The following LUC7L2 variants were observed in gnomAD, a reference collection of about 807,000 sequenced individuals.
LUC7L2 encodes the protein LUC7 like 2, pre-mRNA splicing factor, also known as putative RNA-binding protein Luc7-like 2.
LUC7L2 carries 25 observed loss-of-function variants against 52.8 expected under a neutral mutation model. That is an observed-to-expected ratio of 0.47 (90% CI 0.34 to 0.66). LUC7L2 has a LOEUF of 0.66. LUC7L2 is among the 30% of genes least tolerant of loss of function. The pLI is 0.01. For synonymous variants in LUC7L2, 144 were observed against 160.9 expected (o/e 0.89, Z 0.80); for missense variants, 328 against 497.8 (o/e 0.66, Z 3.25).
intron 1 of LUC7L2, among the ~76,000 whole-genome samples, chr7:139,362,761 G>A (rs1799953258): frequency 6.6e-6 from 1 of 151,884 alleles, no homozygotes. Context: ...AGAGTCCTGG[G>A]GCTTTGGGAA....
chr7:139,349,622 C>A (rs897087237), intron 1 of LUC7L2, among the ~76,000 whole-genome samples: 10 of 151,052 alleles, frequency 6.6e-5, no homozygotes, highest in South Asian at 2.1e-4. Context: ...GCTCCCCCCC[C>A]CCCCACCGGA....
At chr7:139,393,165 G>T (rs1794518543) in intron 2 of LUC7L2, among the ~76,000 whole-genome samples, 1 of 152,028 alleles carries the variant, frequency 6.6e-6, no homozygotes, top group Non-Finnish European at 1.5e-5. Flanking sequence ...TAGTAGGGAG[G>T]CCGAGGCAGG....
At chr7:139,371,077 C>T (rs1187101213) in intron 1 of LUC7L2, among the ~76,000 whole-genome samples, 2 of 152,144 alleles carry the variant, frequency 1.3e-5, no homozygotes, top group African/African-American at 4.8e-5. Flanking sequence ...ACTAGTATAC[C>T]TGTGGGGAGG....
intron 9 of LUC7L2, among the ~76,000 whole-genome samples, chr7:139,419,236 T>G (rs1795776880): frequency 6.6e-6 from 1 of 152,158 alleles, no homozygotes; most frequent in Admixed American, 6.5e-5. Flanking sequence ...AGTGCTAAAC[T>G]GCATATCATA....
At chr7:139,418,410 G>T (rs868435144) in intron 9 of LUC7L2, among the ~76,000 whole-genome samples, 1 of 152,216 alleles carries the variant, frequency 6.6e-6, no homozygotes, top group Non-Finnish European at 1.5e-5. Flanking sequence ...CAGGTCACAT[G>T]ATGGCCCTTA....
At chr7:139,348,469 C>G (rs1022809427) in intron 1 of LUC7L2, among the ~76,000 whole-genome samples, 2 of 151,890 alleles carry the variant, frequency 1.3e-5, no homozygotes, top group Admixed American at 1.3e-4. Context: ...GCCTGTAATC[C>G]CAGCACTTTG....
intron 2 of LUC7L2, among the ~76,000 whole-genome samples, chr7:139,390,287 G>T (rs1226216057): frequency 1.3e-5 from 2 of 150,722 alleles, no homozygotes; most frequent in East Asian, 1.9e-4. Context: ...GGAGACCAGG[G>T]TCTCAATCTG....
chr7:139,377,317 G>C (rs1406058220), intron 2 of LUC7L2, among the ~76,000 whole-genome samples: 1 of 152,138 alleles, frequency 6.6e-6, no homozygotes, highest in African/African-American at 2.4e-5. Context: ...CGATTCTCCT[G>C]CCTCAGCCTC....
At chr7:139,366,264 A>G (rs117900283) in intron 1 of LUC7L2, among the ~76,000 whole-genome samples, 1,726 of 152,344 alleles carry the variant, frequency 0.011, 24 homozygotes, top group Non-Finnish European at 0.019. Context: ...ACTCAACATG[A>G]AAGGAATTTA....
chr7:139,409,313 CAAA>C (rs529185746), intron 6 of LUC7L2, among the ~76,000 whole-genome samples: 1 of 119,612 alleles, frequency 8.4e-6, no homozygotes, highest in Admixed American at 8.3e-5. Context: ...AAAAAAAAAA[CAAA>C]AAAAAAAACC....
Position 139,423,149 on chromosome 7 carries a change from TCAC to T in LUC7L2, c.*818_*820del, listed in dbSNP as rs1795969984. The T allele has an allele frequency of 1.3e-5, 5 of 398,848 alleles. No homozygotes were observed. The highest frequency in any genetic ancestry group is 2.5e-4 in the South Asian group (2 of 7,866). The allele number at this position is 398,848 out of a possible 1,614,324, so 24.7% of individuals were successfully genotyped here. On this transcript the variant is annotated 3_prime_UTR_variant, in exon 10 of 10. Coordinates refer to ENST00000354926, the MANE Select transcript of LUC7L2 (RefSeq NM_016019.5). ...AATAATAATAAAATGAAAGAAACAA[TCAC>T]CACCACCATTATTAAACTGTAACTT... is the stretch of plus-strand genomic sequence containing the variant.
intron 8 of LUC7L2, among the ~76,000 whole-genome samples, chr7:139,415,686 G>A (rs1487574328): frequency 6.6e-6 from 1 of 150,496 alleles, no homozygotes; most frequent in Admixed American, 6.6e-5. Flanking sequence ...GTAGATACGG[G>A]GTCTCCCTAT....
At chr7:139,372,190 A>G (rs1443559177) in intron 1 of LUC7L2, among the ~76,000 whole-genome samples, 1 of 152,006 alleles carries the variant, frequency 6.6e-6, no homozygotes, top group Non-Finnish European at 1.5e-5. Flanking sequence ...TAGGTGGGAT[A>G]TTTTTTGTTG....
intron 2 of LUC7L2, among the ~76,000 whole-genome samples, chr7:139,378,516 A>G (rs761238718): frequency 1.3e-5 from 2 of 152,150 alleles, no homozygotes; most frequent in Non-Finnish European, 2.9e-5. Flanking sequence ...CAAGACTTCA[A>G]GTGAGCTGTG....
intron 2 of LUC7L2, 107 bp from the exon 3 acceptor site, chr7:139,398,492 A>G: frequency 2.5e-6 from 2 of 808,434 alleles, no homozygotes; most frequent in Non-Finnish European, 3.5e-6. Context: ...CCTACATAAA[A>G]AAGCATCTGT....
At chr7:139,421,671 T>C (rs1455463998) in intron 9 of LUC7L2, among the ~76,000 whole-genome samples, 2 of 152,228 alleles carry the variant, frequency 1.3e-5, no homozygotes, top group Admixed American at 1.3e-4. Flanking sequence ...ATAGGCCAAA[T>C]CTGGCCGGTA....
chr7:139,383,859 G>A (rs369386022), intron 2 of LUC7L2, among the ~76,000 whole-genome samples: 7 of 150,406 alleles, frequency 4.7e-5, no homozygotes, highest in South Asian at 4.2e-4. Flanking sequence ...TCAGCCTCCC[G>A]AGTAGCTGGG....
At chr7:139,399,253 G>A (rs1245793272) in intron 3 of LUC7L2, among the ~76,000 whole-genome samples, 1 of 151,794 alleles carries the variant, frequency 6.6e-6, no homozygotes, top group Admixed American at 6.6e-5. Context: ...TGTTTACATA[G>A]CATTTACATT....
rs147387700 is a variant in LUC7L2, at chr7:139,343,388, A to G, written c.-26+2871A>G. Among the ~76,000 whole-genome samples, 44 of 152,350 alleles carry G rather than the reference A, an allele frequency of 2.9e-4. No homozygotes were observed. The East Asian group carries it at 8.1e-3, about 28-fold the overall frequency. ...AACCCACATTCTAACAGCATGGGCA[A>G]CATAGTGTAGTGAGACTTCCTCTCC... On this transcript the variant is annotated intron_variant, in intron 1 of 10. Transcript: ENST00000541170.
Sources: gnomAD v4.1 joint callset for allele counts (sites outside exome capture counted in the v4.1 genomes callset) on GRCh38, gnomAD v4.1.1 for gene constraint, MANE v1.5 for transcripts, NCBI Gene and HGNC (gene_info 2026-07-23, HGNC 2026-07-21) for gene names.